Variants in DCDC2 observed in about 807,000 individuals in gnomAD.
DCDC2 encodes doublecortin domain containing 2.
DCDC2 carries 40 observed loss-of-function variants against 50.2 expected under a neutral mutation model. The observed-to-expected ratio is 0.80, with a 90% CI of 0.62 to 1.04. The LOEUF (loss-of-function observed/expected upper bound fraction) is 1.04. Among genes scored for constraint, DCDC2 ranks in the 50% least tolerant of loss-of-function variants. The pLI is 0.00. For synonymous variants in DCDC2, 234 were observed against 210.6 expected, an observed-to-expected ratio of 1.11 and a Z score of -0.96; for missense variants, 570 against 581.9, an observed-to-expected ratio of 0.98 and a Z score of 0.21.
intron 7 of DCDC2, among the ~76,000 whole-genome samples, chr6:24,248,888 G>C (rs953498421): frequency 1.4e-4 from 22 of 152,266 alleles, no homozygotes; most frequent in Admixed American, 1.2e-3. Context: ...TTCACATTAT[G>C]CCAATTAACC....
chr6:24,284,507 G>C (rs1234750248), intron 6 of DCDC2, among the ~76,000 whole-genome samples: 1 of 151,642 alleles, frequency 6.6e-6, no homozygotes, highest in Admixed American at 6.6e-5. Context: ...AGCTACTCGG[G>C]AGGCTGAGGC....
intron 6 of DCDC2, among the ~76,000 whole-genome samples, chr6:24,279,427 A>C (rs1763423671): frequency 6.6e-6 from 1 of 152,072 alleles, no homozygotes; most frequent in South Asian, 2.1e-4. Context: ...TAACAATTAA[A>C]AAAATCAGCC....
intron 6 of DCDC2, among the ~76,000 whole-genome samples, chr6:24,287,985 C>T (rs531798535): frequency 1.3e-5 from 2 of 151,952 alleles, no homozygotes; most frequent in East Asian, 1.9e-4. Flanking sequence ...ATGCTGAGTT[C>T]GGCACTACTT....
At chr6:24,372,780 G>C in the DCDC2 span, among the ~76,000 whole-genome samples, 4 of 152,096 alleles carry the variant, frequency 2.6e-5, no homozygotes, top group Admixed American at 1.3e-4. Flanking sequence ...GTGGGGAGAG[G>C]GGGGAGGGAT....
At chr6:24,365,457 A>G in the DCDC2 span, among the ~76,000 whole-genome samples, 2 of 152,144 alleles carry the variant, frequency 1.3e-5, no homozygotes, top group Admixed American at 1.3e-4. Flanking sequence ...ATGCCAATCT[A>G]ATTTTTGTAT....
chr6:24,313,448 C>T (rs1759607574), intron 2 of DCDC2, among the ~76,000 whole-genome samples: 1 of 152,060 alleles, frequency 6.6e-6, no homozygotes, highest in Non-Finnish European at 1.5e-5. Flanking sequence ...CTTACTACAC[C>T]ATACTTAGAT....
chr6:24,183,191 G>A (rs146251190), intron 8 of DCDC2, among the ~76,000 whole-genome samples: 44 of 152,284 alleles, frequency 2.9e-4, no homozygotes, highest in African/African-American at 1.0e-3. Context: ...TTTGCAAGAC[G>A]AAAAGAGGTT....
chr6:24,207,677 G>A (rs1028642918), intron 7 of DCDC2, among the ~76,000 whole-genome samples: 1 of 152,094 alleles, frequency 6.6e-6, no homozygotes, highest in Non-Finnish European at 1.5e-5. Context: ...CCTATCTTAG[G>A]AGTTTGTTTT....
At chr6:24,340,388 G>A (rs1025755600) in intron 2 of DCDC2, among the ~76,000 whole-genome samples, 2 of 152,074 alleles carry the variant, frequency 1.3e-5, no homozygotes, top group South Asian at 2.1e-4. Flanking sequence ...ACCGGCTAGC[G>A]GAAGGGCAAT....
chr6:24,259,994 A>G (rs550299813), intron 7 of DCDC2, among the ~76,000 whole-genome samples: 2 of 152,350 alleles, frequency 1.3e-5, no homozygotes, highest in South Asian at 4.1e-4. Context: ...CTAGAGGCTA[A>G]CTGGTGTTAA....
chr6:24,285,350 C>T (rs1763578505), intron 6 of DCDC2, among the ~76,000 whole-genome samples: 2 of 152,214 alleles, frequency 1.3e-5, no homozygotes, highest in Non-Finnish European at 2.9e-5. Flanking sequence ...TCACTTCCTC[C>T]ATGAGGCCTC....
chr6:24,176,528 C>G (rs1021422651), intron 9 of DCDC2, among the ~76,000 whole-genome samples: 1 of 152,088 alleles, frequency 6.6e-6, no homozygotes, highest in African/African-American at 2.4e-5. Context: ...ATGTTTATAG[C>G]ATACAAAATG....
At chr6:24,236,366 G>A (rs1762441192) in intron 7 of DCDC2, among the ~76,000 whole-genome samples, 1 of 152,092 alleles carries the variant, frequency 6.6e-6, no homozygotes, top group Non-Finnish European at 1.5e-5. Flanking sequence ...TGCTGGGAAA[G>A]CTGGCTTTTA....
chr6:24,278,152 G>A lies in DCDC2; in HGVS notation c.819C>T (p.Pro273=), dbSNP rs749383711. ...CTTCTTTTTTCCCTTTCCTCTTCAG[G>A]GGCTGAGGAGATGAGTTGTCACTGG... is the stretch of plus-strand genomic sequence containing the variant. ...VGSSDNSSPQ[P]LKRKGKKEDV... The change falls in exon 7 of 10, where the codon CCC becomes CCT. Residue 273 remains proline, a synonymous_variant. Transcript: ENST00000378454. The A allele has an allele frequency of 3.7e-6, 6 of 1,613,204 alleles. No homozygotes were observed. Among genetic ancestry groups the A allele is most frequent in the South Asian group, 1.1e-5 (1 of 90,956 alleles).
chr6:24,174,319 G>GA lies in DCDC2; in HGVS notation c.*410dup. ...TTCATTCAAGAGTTTATTGCTTTAA[G>GA]AAAATAGTACATGCTTTCCTATTAC... On this transcript the variant is annotated 3_prime_UTR_variant, in exon 10 of 10. Transcript: ENST00000378454. 6.5e-6 allele frequency: 1 copy of GA among 153,866 alleles called. No individual in the cohort carries two copies. The highest frequency in any genetic ancestry group is 2.4e-5 in the African/African-American group (1 of 41,594). 9.5% of individuals were successfully genotyped at this position (153,866 alleles called of 1,614,324 possible). A position where few individuals can be genotyped will look rare whatever the true frequency, so the allele number is the denominator to read the frequency against.
chr6:24,209,110 C>T (rs1761797787), intron 7 of DCDC2, among the ~76,000 whole-genome samples: 2 of 152,122 alleles, frequency 1.3e-5, no homozygotes, highest in African/African-American at 2.4e-5. Flanking sequence ...TCCCCTCTGT[C>T]GATGCCATCG....
chr6:24,268,364 G>A (rs1408601354), intron 7 of DCDC2, among the ~76,000 whole-genome samples: 1 of 152,118 alleles, frequency 6.6e-6, no homozygotes, highest in Non-Finnish European at 1.5e-5. Flanking sequence ...GCGCATGCCT[G>A]TAATCCCAGC....
At chr6:24,366,293 A>G in the DCDC2 span, among the ~76,000 whole-genome samples, 3 of 152,252 alleles carry the variant, frequency 2.0e-5, no homozygotes, top group Non-Finnish European at 2.9e-5. Flanking sequence ...CAAATTCTAC[A>G]TAAACCAAAT....
At chr6:24,289,174 A>G (rs545096139) in intron 5 of DCDC2, among the ~76,000 whole-genome samples, 70 of 152,246 alleles carry the variant, frequency 4.6e-4, no homozygotes, top group Non-Finnish European at 7.8e-4. Context: ...AAATTTGTAT[A>G]GCATTTTTAT....
Sources: gnomAD v4.1 joint callset for allele counts (sites outside exome capture counted in the v4.1 genomes callset) on GRCh38, gnomAD v4.1.1 for gene constraint, MANE v1.5 for transcripts, NCBI Gene and HGNC (gene_info 2026-07-23, HGNC 2026-07-21) for gene names.